The following CNTNAP2 variants were observed in gnomAD, a reference collection of about 807,000 sequenced individuals.
CNTNAP2 encodes the protein contactin-associated protein-like 2.
A neutral mutation model predicts 155.2 loss-of-function variants in CNTNAP2; 98 were observed. The observed-to-expected ratio is 0.63, with a 90% CI of 0.54 to 0.75. The LOEUF (loss-of-function observed/expected upper bound fraction) is 0.75. Among genes scored for constraint, CNTNAP2 ranks in the 30% least tolerant of loss-of-function variants. The probability of loss-of-function intolerance (pLI) is 0.00; values close to 1 mark genes in which losing one functional copy is unlikely to be tolerated. For missense variants in CNTNAP2, 1,727 were observed against 1,688.1 expected (o/e 1.02, Z -0.40); for synonymous variants, 651 against 631.2 (o/e 1.03, Z -0.47).
At chr7:147,370,662 C>T (rs558477633) in intron 9 of CNTNAP2, among the ~76,000 whole-genome samples, 1 of 152,096 alleles carries the variant, frequency 6.6e-6, no homozygotes, top group South Asian at 2.1e-4. Context: ...TAATAGATAC[C>T]CAATATATAG....
rs1801679741 is a variant in CNTNAP2, at chr7:146,739,708, C to G, written c.98-34563C>G. Among the ~76,000 whole-genome samples, 3 of 151,902 alleles carry G rather than the reference C, an allele frequency of 2.0e-5. 1 individual carries two copies. In the South Asian group the frequency reaches 6.2e-4, roughly 32 times the overall value. ...AAGTGTAAGTTTCTTTGTTTTCTGC[C>G]TGGGTGATCTGTCCATTGCTGTAAA... On this transcript the variant is annotated intron_variant, in intron 1 of 23. Coordinates refer to ENST00000361727, the MANE Select transcript of CNTNAP2 (RefSeq NM_014141.6).
At chr7:147,415,544 G>T (rs1797178078) in intron 10 of CNTNAP2, among the ~76,000 whole-genome samples, 2 of 152,136 alleles carry the variant, frequency 1.3e-5, no homozygotes, top group Non-Finnish European at 2.9e-5. Context: ...AAAGTGCCTT[G>T]CTTCCCCTTC....
chr7:146,718,769 A>G (rs1563201941), intron 1 of CNTNAP2, among the ~76,000 whole-genome samples: 1 of 152,070 alleles, frequency 6.6e-6, no homozygotes, highest in Non-Finnish European at 1.5e-5. Flanking sequence ...AAGAAATCAT[A>G]AAAACAGAAA....
At chr7:147,826,674 T>C (rs973924921) in intron 13 of CNTNAP2, among the ~76,000 whole-genome samples, 2 of 152,154 alleles carry the variant, frequency 1.3e-5, no homozygotes, top group Non-Finnish European at 2.9e-5. Context: ...ATTCACTGAC[T>C]GATATAAACA....
At chr7:148,068,779 G>A (rs1476071473) in intron 15 of CNTNAP2, among the ~76,000 whole-genome samples, 1 of 152,146 alleles carries the variant, frequency 6.6e-6, no homozygotes, top group African/African-American at 2.4e-5. Context: ...TTCTTAATCT[G>A]TGTGAGTAGG....
At chr7:146,934,232 A>G (rs1334600197) in intron 3 of CNTNAP2, among the ~76,000 whole-genome samples, 1 of 152,076 alleles carries the variant, frequency 6.6e-6, no homozygotes, top group Non-Finnish European at 1.5e-5. Context: ...AAAATGTGGC[A>G]CATATACACC....
At chr7:146,601,736 T>A (rs1053057213) in intron 1 of CNTNAP2, among the ~76,000 whole-genome samples, 12 of 152,020 alleles carry the variant, frequency 7.9e-5, no homozygotes, top group African/African-American at 2.7e-4. Context: ...AATAGAACAG[T>A]ATGATACTGG....
At chr7:148,358,798 C>G (rs901325780) in intron 21 of CNTNAP2, among the ~76,000 whole-genome samples, 1 of 152,160 alleles carries the variant, frequency 6.6e-6, no homozygotes, top group African/African-American at 2.4e-5. Context: ...ATAATAATAG[C>G]ACCTATTTCA....
At chr7:146,811,060 A>G (rs916301326) in intron 2 of CNTNAP2, among the ~76,000 whole-genome samples, 1 of 152,108 alleles carries the variant, frequency 6.6e-6, no homozygotes, top group African/African-American at 2.4e-5. Context: ...GGAGTTTTAC[A>G]TCTGTGTTTA....
At chr7:147,557,314 T>C (rs1022806870) in intron 11 of CNTNAP2, among the ~76,000 whole-genome samples, 1 of 152,128 alleles carries the variant, frequency 6.6e-6, no homozygotes, top group Admixed American at 6.6e-5. Context: ...AATTTTTGCA[T>C]GCTATGAAAT....
chr7:147,839,880 T>C (rs1798698859), intron 13 of CNTNAP2, among the ~76,000 whole-genome samples: 1 of 152,050 alleles, frequency 6.6e-6, no homozygotes, highest in Non-Finnish European at 1.5e-5. Flanking sequence ...ATGTGGTGTA[T>C]ATATGTGTGT....
intron 13 of CNTNAP2, among the ~76,000 whole-genome samples, chr7:147,739,382 A>G (rs887587103): frequency 3.3e-5 from 5 of 152,082 alleles, no homozygotes; most frequent in Non-Finnish European, 5.9e-5. Flanking sequence ...CCCTTCAGGT[A>G]TCAGTTTTCT....
At chr7:148,193,238 T>C (rs963689296) in intron 18 of CNTNAP2, among the ~76,000 whole-genome samples, 1 of 152,170 alleles carries the variant, frequency 6.6e-6, no homozygotes, top group Non-Finnish European at 1.5e-5. Flanking sequence ...TATAGGCTTT[T>C]AGAGGGAGGT....
chr7:146,333,197 G>A (rs931203068), intron 1 of CNTNAP2, among the ~76,000 whole-genome samples: 2 of 151,834 alleles, frequency 1.3e-5, no homozygotes, highest in East Asian at 1.9e-4. Context: ...CACCCGCCTC[G>A]GCCTCCCAAA....
At chr7:147,151,578 C>T (rs1801826160) in intron 8 of CNTNAP2, among the ~76,000 whole-genome samples, 1 of 151,938 alleles carries the variant, frequency 6.6e-6, no homozygotes, top group African/African-American at 2.4e-5. Flanking sequence ...ATTTAATGGC[C>T]TTAAGTTTAG....
chr7:148,082,941 T>A (rs1803644313), intron 15 of CNTNAP2, among the ~76,000 whole-genome samples: 1 of 152,086 alleles, frequency 6.6e-6, no homozygotes, highest in Admixed American at 6.5e-5. Flanking sequence ...CCTCCCAAAG[T>A]GCTGAGATTA....
At chr7:147,011,139 T>G (rs1798614948) in intron 3 of CNTNAP2, among the ~76,000 whole-genome samples, 1 of 151,832 alleles carries the variant, frequency 6.6e-6, no homozygotes, top group Admixed American at 6.6e-5. Flanking sequence ...CAAGGCTGGG[T>G]GTGATGGCTT....
chr7:148,301,707 C>T (rs1415271995), intron 21 of CNTNAP2, among the ~76,000 whole-genome samples: 2 of 152,112 alleles, frequency 1.3e-5, no homozygotes, highest in African/African-American at 2.4e-5. Flanking sequence ...GTATGTAGCT[C>T]GGATGTGGAT....
At chr7:146,225,514 A>G (rs1199676105) in intron 1 of CNTNAP2, among the ~76,000 whole-genome samples, 4 of 152,226 alleles carry the variant, frequency 2.6e-5, no homozygotes, top group African/African-American at 9.6e-5. Flanking sequence ...CATGAGACTC[A>G]GCATTCAACT....
Sources: allele counts gnomAD v4.1 joint callset (sites outside exome capture counted in the v4.1 genomes callset), GRCh38; gene constraint gnomAD v4.1.1; transcripts MANE v1.5; gene names NCBI Gene and HGNC (gene_info 2026-07-23, HGNC 2026-07-21).